The following PPME1 variants were observed in gnomAD, a reference collection of about 807,000 sequenced individuals.
PPME1 encodes the protein protein phosphatase methylesterase 1, also known as testicular secretory protein Li 39.
A neutral mutation model predicts 56.9 loss-of-function variants in PPME1; 17 were observed. That is an observed-to-expected ratio of 0.30 (90% CI 0.20 to 0.45). The LOEUF is 0.45. PPME1 is among the 20% of genes least tolerant of loss of function. The probability of loss-of-function intolerance (pLI) is 1.00; values close to 1 mark genes in which losing one functional copy is unlikely to be tolerated. For missense variants in PPME1, 357 were observed against 483.2 expected (o/e 0.74, Z 2.45); for synonymous variants, 122 against 156.2 (o/e 0.78, Z 1.63).
chr11:74,184,168 C>T (rs1238462032), intron 1 of PPME1, among the ~76,000 whole-genome samples: 2 of 152,136 alleles, frequency 1.3e-5, no homozygotes, highest in East Asian at 3.8e-4. Context: ...AGTACATATA[C>T]ATGTCTAGCT....
chr11:74,238,333 G>A (rs1363937444), intron 8 of PPME1: 1 of 152,054 alleles, frequency 6.6e-6, no homozygotes, highest in African/African-American at 2.4e-5. Context: ...AAAATCTACC[G>A]CTGACTTTTG....
chr11:74,240,321 G>A (rs1166939643), intron 9 of PPME1, among the ~76,000 whole-genome samples: 1 of 152,164 alleles, frequency 6.6e-6, no homozygotes, highest in African/African-American at 2.4e-5. Context: ...AACAAAAAAT[G>A]TGTATTTTGT....
chr11:74,246,781 G>A (rs1417336276), intron 10 of PPME1, among the ~76,000 whole-genome samples: 1 of 152,210 alleles, frequency 6.6e-6, no homozygotes, highest in Admixed American at 6.5e-5. Context: ...GGCCTGGCCT[G>A]TCTACTTGGT....
At chr11:74,225,349 G>T in intron 5 of PPME1, 93 bp downstream of exon 5, 3 of 937,226 alleles carry the variant, frequency 3.2e-6, no homozygotes, top group Admixed American at 3.3e-5. Context: ...GAGATTGTTG[G>T]GGAATAATTA....
chr11:74,252,376 C>T (rs1054233282), intron 13 of PPME1: 3 of 452,024 alleles, frequency 6.6e-6, no homozygotes, highest in Non-Finnish European at 1.3e-5. Context: ...GGATTATAGG[C>T]ACAAGCCACC....
chr11:74,206,547 T>C (rs1188176307), intron 3 of PPME1, among the ~76,000 whole-genome samples: 3 of 152,054 alleles, frequency 2.0e-5, no homozygotes, highest in Non-Finnish European at 4.4e-5. Context: ...TTGGGAGACA[T>C]AATATTTGTT....
chr11:74,222,394 T>C (rs1285869695), intron 4 of PPME1, 25 bp downstream of exon 4: 2 of 1,560,738 alleles, frequency 1.3e-6, no homozygotes, highest in Middle Eastern at 1.7e-4. Flanking sequence ...TAATTAGCCA[T>C]TAACTGGATT....
chr11:74,216,475 T>C (rs550937183), intron 3 of PPME1, among the ~76,000 whole-genome samples: 1 of 152,154 alleles, frequency 6.6e-6, no homozygotes, highest in African/African-American at 2.4e-5. Context: ...CCAAAGCCTG[T>C]GAGATACAGT....
chr11:74,190,901 T>TA (rs1857819055), intron 1 of PPME1, among the ~76,000 whole-genome samples: 1 of 152,204 alleles, frequency 6.6e-6, no homozygotes, highest in South Asian at 2.1e-4. Flanking sequence ...AGCAAAGAGT[T>TA]TGCCTGCATT....
Position 74,253,478 on chromosome 11 carries a change from C to T in PPME1, c.1143-14C>T. 6.2e-7 allele frequency: 1 copy of T among 1,604,140 alleles called. No homozygotes were observed. Among genetic ancestry groups the T allele is most frequent in the African/African-American group, 1.3e-5 (1 of 74,800 alleles). On this transcript the variant is annotated splice_polypyrimidine_tract_variant and intron_variant, in intron 13 of 13. Transcript: ENST00000328257. The stretch of plus-strand genomic sequence containing the variant: ...GTTACATTTGTTTTTCCTTCTCTTT[C>T]TGTTCTTCCACAGTGTGTTTCCTGG...
chr11:74,210,742 G>A (rs1420766127), intron 3 of PPME1, among the ~76,000 whole-genome samples: 1 of 152,138 alleles, frequency 6.6e-6, no homozygotes, highest in African/African-American at 2.4e-5. Context: ...ACCAGATGCT[G>A]GTGCCGTACT....
intron 1 of PPME1, among the ~76,000 whole-genome samples, chr11:74,176,227 A>G (rs1303160984): frequency 2.6e-5 from 4 of 152,208 alleles, no homozygotes; most frequent in African/African-American, 4.8e-5. Flanking sequence ...TTATGTTATC[A>G]GCTTTTTTGT....
intron 1 of PPME1, among the ~76,000 whole-genome samples, chr11:74,184,989 CTTTTTTTT>C (rs559947122): frequency 3.1e-5 from 3 of 95,744 alleles, no homozygotes; most frequent in Non-Finnish European, 4.3e-5. Flanking sequence ...TGAAGTATGT[CTTTTTTTT>C]TTTTTTTTTT....
intron 3 of PPME1, among the ~76,000 whole-genome samples, chr11:74,211,558 C>T (rs1858475764): frequency 6.6e-6 from 1 of 152,092 alleles, no homozygotes; most frequent in Non-Finnish European, 1.5e-5. Flanking sequence ...GACCTTAAAG[C>T]AGGCCTTCTT....
Position 74,230,005 on chromosome 11 carries a change from T to A in PPME1, c.399-240T>A, listed in dbSNP as rs1392280459. 1.3e-5 allele frequency among the ~76,000 whole-genome samples: 2 copies of A among 152,198 alleles called. No homozygotes were observed. The highest frequency in any genetic ancestry group is 4.8e-5 in the African/African-American group (2 of 41,446). ...GTGAAAGTGTGATGTAAAGGAAAAT[T>A]CAGTAATTTGGGTTCTTAGTCCTTT... On this transcript the variant is annotated intron_variant, in intron 5 of 13. Transcript: ENST00000328257. The surrounding 1 kb of genome is among the most constrained non-coding windows in gnomAD (Gnocchi z 4.9).
chr11:74,240,651 T>G (rs1247079878), intron 9 of PPME1, among the ~76,000 whole-genome samples: 1 of 152,214 alleles, frequency 6.6e-6, no homozygotes, highest in African/African-American at 2.4e-5. Flanking sequence ...ATGTAATACT[T>G]TGTACCTCTT....
chr11:74,202,405 A>G (rs1401958858), intron 1 of PPME1, among the ~76,000 whole-genome samples: 1 of 152,234 alleles, frequency 6.6e-6, no homozygotes, highest in Non-Finnish European at 1.5e-5. Context: ...TAGACATTCA[A>G]TAAATGTTTC....
intron 9 of PPME1, among the ~76,000 whole-genome samples, chr11:74,242,537 C>G (rs921660748): frequency 2.0e-5 from 3 of 152,120 alleles, no homozygotes; most frequent in African/African-American, 7.2e-5. Context: ...GTATCTTTAG[C>G]TCATCCTTAC....
intron 1 of PPME1, among the ~76,000 whole-genome samples, chr11:74,196,112 G>A (rs978872882): frequency 6.6e-6 from 1 of 152,124 alleles, no homozygotes; most frequent in African/African-American, 2.4e-5. Context: ...CAGTCACATA[G>A]CTTGTAATTA....
Sources: allele counts gnomAD v4.1 joint callset (sites outside exome capture counted in the v4.1 genomes callset), GRCh38; gene constraint gnomAD v4.1.1; non-coding constraint Gnocchi (gnomAD v3.1); transcripts MANE v1.5; gene names NCBI Gene and HGNC (gene_info 2026-07-23, HGNC 2026-07-21).